CPO: variants seen among roughly 807,000 people sequenced by gnomAD.
The protein encoded by CPO is carboxypeptidase O.
CPO carries 43 observed loss-of-function variants against 41.2 expected under a neutral mutation model. That is an observed-to-expected ratio of 1.04 (90% CI 0.82 to 1.35). CPO has a LOEUF of 1.35. Ranked by LOEUF, CPO falls within the 40% of genes most tolerant of loss-of-function variation. The pLI, the probability that CPO is intolerant of heterozygous loss-of-function variation, is 0.00. For synonymous variants in CPO, 178 were observed against 162.7 expected, an observed-to-expected ratio of 1.09 and a Z score of -0.72; for missense variants, 408 against 451.7, an observed-to-expected ratio of 0.90 and a Z score of 0.88.
intron 7 of CPO, among the ~76,000 whole-genome samples, chr2:206,965,413 T>A (rs1693554842): frequency 6.6e-6 from 1 of 152,160 alleles, no homozygotes; most frequent in Non-Finnish European, 1.5e-5. Context: ...GTAATTAATC[T>A]CTATTATTTA....
At chr2:206,955,111 C>T (rs910089584) in intron 2 of CPO, among the ~76,000 whole-genome samples, 12 of 152,190 alleles carry the variant, frequency 7.9e-5, no homozygotes, top group Admixed American at 4.6e-4. Flanking sequence ...TAAGCCTCAC[C>T]TGAAATTTCT....
intron 1 of CPO, among the ~76,000 whole-genome samples, chr2:206,943,732 A>AGATAGATGATGGATAGAT: frequency 3.6e-5 from 1 of 27,720 alleles, no homozygotes; most frequent in South Asian, 1.0e-3. Context: ...GATAGATGAT[A>AGATAGATGATGGATAGAT]GATAGATAGA....
chr2:206,952,649 C>T (rs920974434), intron 2 of CPO, among the ~76,000 whole-genome samples: 2 of 152,158 alleles, frequency 1.3e-5, no homozygotes, highest in Non-Finnish European at 2.9e-5. Context: ...CAGGTCTACT[C>T]AATTGAATCA....
At chr2:206,964,558 G>A (rs931252850) in intron 7 of CPO, among the ~76,000 whole-genome samples, 10 of 152,104 alleles carry the variant, frequency 6.6e-5, no homozygotes, top group African/African-American at 1.7e-4. Flanking sequence ...TACCTCGCAC[G>A]CCTCTCTCTG....
rs946331705 is a variant in CPO, at chr2:206,939,590, G to C, written c.-10G>C. 6.2e-7 allele frequency: 1 copy of C among 1,610,148 alleles called. No homozygotes were observed. Among genetic ancestry groups the C allele is most frequent in the African/African-American group, 1.3e-5 (1 of 74,892 alleles). ...GAGGCCCAGAATTTTCTAACTTACT[G>C]TGTGGCAGAATGAAGCCTCTGCTTG... On this transcript the variant is annotated 5_prime_UTR_variant, in exon 1 of 9. Coordinates refer to ENST00000272852, the MANE Select transcript of CPO (RefSeq NM_173077.3).
intron 1 of CPO, among the ~76,000 whole-genome samples, chr2:206,943,396 C>T (rs916715893): frequency 6.6e-6 from 1 of 152,070 alleles, no homozygotes; most frequent in Non-Finnish European, 1.5e-5. Flanking sequence ...TCATTTGCTT[C>T]ATTCCCTCTC....
At chr2:206,954,589 T>A (rs1021891663) in intron 2 of CPO, among the ~76,000 whole-genome samples, 2 of 152,238 alleles carry the variant, frequency 1.3e-5, no homozygotes, top group Non-Finnish European at 2.9e-5. Flanking sequence ...TGTTCCAACC[T>A]CTGCCTTTTA....
chr2:206,965,547 A>C (rs1412041851), intron 7 of CPO, among the ~76,000 whole-genome samples: 1 of 152,170 alleles, frequency 6.6e-6, no homozygotes, highest in African/African-American at 2.4e-5. Context: ...TGGAAATGAG[A>C]ATAGCTATAA....
intron 1 of CPO, among the ~76,000 whole-genome samples, chr2:206,948,853 GC>G (rs1693197273): frequency 6.6e-6 from 1 of 152,260 alleles, no homozygotes; most frequent in African/African-American, 2.4e-5. Context: ...TGAAGAGTGA[GC>G]CCTAATATAA....
At chr2:206,958,624 G>A (rs1693417608) in intron 4 of CPO, among the ~76,000 whole-genome samples, 1 of 151,716 alleles carries the variant, frequency 6.6e-6, no homozygotes, top group South Asian at 2.1e-4. Context: ...ATTTTTATTG[G>A]AGGGTAAACA....
chr2:206,945,467 C>CT (rs1400325081), intron 1 of CPO, among the ~76,000 whole-genome samples: 1 of 152,148 alleles, frequency 6.6e-6, no homozygotes, highest in Non-Finnish European at 1.5e-5. Flanking sequence ...AACTAGGAAA[C>CT]TAAGTCATTC....
chr2:206,968,327 G>A lies in CPO; in HGVS notation c.842G>A (p.Gly281Glu). The A allele has an allele frequency of 6.2e-7, 1 of 1,608,318 alleles. No individual in the cohort carries two copies. Among genetic ancestry groups the A allele is most frequent in the African/African-American group, 1.3e-5 (1 of 74,960 alleles). Reference protein sequence around the residue: ...KAKYGTNYRVGSSADILYASS... With the variant: ...KAKYGTNYRVESSADILYASS... ...AAGTATGGAACCAATTATAGAGTTG[G>A]ATCGAGTGCAGATATTTTATGTAAG... The change falls in exon 8 of 9, where the codon GGA (glycine) becomes GAA (glutamate). Residue 281 changes from glycine to glutamate, a missense_variant. By Grantham distance (98) the Gly-to-Glu change is moderately conservative. Coordinates refer to ENST00000272852, the MANE Select transcript of CPO (RefSeq NM_173077.3).
Position 206,969,400 on chromosome 2 carries a change from G to A in CPO, c.1089G>A (p.Leu363=). Residue 363 remains leucine, a synonymous_variant, in exon 9 of 9, where the codon CTG becomes CTA. Coordinates refer to ENST00000272852, the MANE Select transcript of CPO (RefSeq NM_173077.3). ...GAAGGGTGACATCTGCCACTATGCTGCTGGGCCTGCTGGTGTCCTGCATGT... is the reference window on the plus strand; with the variant it reads ...GAAGGGTGACATCTGCCACTATGCTACTGGGCCTGCTGGTGTCCTGCATGT... The part of the protein sequence containing the change: ...SAGRVTSATM[L]LGLLVSCMSL... 3 of 1,614,084 alleles carry A rather than the reference G, an allele frequency of 1.9e-6. No homozygotes were observed.
In CPO at chr2:206,959,705, T is replaced by C; in HGVS notation, c.447T>C (p.Val149=). 6.4e-7 allele frequency: 1 copy of C among 1,567,828 alleles called. No individual in the cohort carries two copies. The highest frequency in any genetic ancestry group is 8.8e-7 in the Non-Finnish European group (1 of 1,137,872). ...ACCTGGACTTCTATGTCCTTCCAGT[T>C]CTTAACATAGATGGTTATATCTACA... is the stretch of plus-strand genomic sequence containing the variant. ...LRNLDFYVLP[V]LNIDGYIYTW... is the part of the protein sequence containing the mutation. Residue 149 remains valine (V), a synonymous_variant, in exon 5 of 9, where the codon GTT becomes GTC. Transcript: ENST00000272852.
At chr2:206,941,604 G>A (rs141296464) in intron 1 of CPO, among the ~76,000 whole-genome samples, 2,201 of 152,134 alleles carry the variant, frequency 0.014, 29 homozygotes, top group Non-Finnish European at 0.022. Flanking sequence ...TCCATTGGAT[G>A]GTTCCTCATG....
At chr2:206,964,674 A>G (rs576643994) in intron 7 of CPO, among the ~76,000 whole-genome samples, 10 of 152,310 alleles carry the variant, frequency 6.6e-5, no homozygotes, top group African/African-American at 2.4e-4. Flanking sequence ...TATTTCTTCA[A>G]TAAAGAAATC....
chr2:206,954,133 T>C (rs993489178), intron 2 of CPO, among the ~76,000 whole-genome samples: 4 of 152,178 alleles, frequency 2.6e-5, no homozygotes, highest in Non-Finnish European at 5.9e-5. Flanking sequence ...TGGAGACATT[T>C]TCCCATTGTC....
intron 1 of CPO, among the ~76,000 whole-genome samples, chr2:206,944,725 T>C (rs918378451): frequency 3.3e-5 from 5 of 152,008 alleles, no homozygotes; most frequent in Non-Finnish European, 7.4e-5. Context: ...TTATTAATAT[T>C]ACTAACAATT....
At position 206,951,629 on chromosome 2, in the gene CPO, C is replaced by T. The variant is rs532267524; in HGVS notation, c.165+1916C>T. 6.6e-5 allele frequency among the ~76,000 whole-genome samples: 10 copies of T among 152,284 alleles called. No homozygotes were observed. In the South Asian group the frequency reaches 1.9e-3, roughly 28 times the overall value. On this transcript the variant is annotated intron_variant, in intron 2 of 8. Coordinates refer to ENST00000272852, the MANE Select transcript of CPO (RefSeq NM_173077.3). ...GAAAGTTCTACAATTTTGTAAAGGT[C>T]CAGTATGGCCCATGGACACTTTATG...
Sources: gnomAD v4.1 joint callset for allele counts (sites outside exome capture counted in the v4.1 genomes callset) on GRCh38, gnomAD v4.1.1 for gene constraint, MANE v1.5 for transcripts, NCBI Gene and HGNC (gene_info 2026-07-23, HGNC 2026-07-21) for gene names.